The following MERTK variants were observed in gnomAD, a reference collection of about 807,000 sequenced individuals.
MERTK encodes tyrosine-protein kinase Mer.
Under a neutral mutation model 99.3 loss-of-function variants are expected in MERTK, and 69 were observed. The observed-to-expected ratio is 0.70, with a 90% confidence interval of 0.57 to 0.85. MERTK has a LOEUF of 0.85. Ranked by LOEUF, MERTK falls within the 40% of genes least tolerant of loss-of-function variation. The pLI is 0.00. For synonymous variants in MERTK, 426 were observed against 467.6 expected (o/e 0.91, Z 1.15); for missense variants, 1,125 against 1,249.4 (o/e 0.90, Z 1.50).
At chr2:111,900,947 T>C (rs1051472142) in intron 1 of MERTK, among the ~76,000 whole-genome samples, 2 of 152,152 alleles carry the variant, frequency 1.3e-5, no homozygotes, top group African/African-American at 4.8e-5. Context: ...AATGAGAATA[T>C]GTGTGTAGAT....
chr2:111,964,319 A>C (rs1685315572), intron 4 of MERTK, among the ~76,000 whole-genome samples: 1 of 139,962 alleles, frequency 7.1e-6, no homozygotes, highest in Non-Finnish European at 1.6e-5. Context: ...GCCATTGGGA[A>C]CTCTTTGAGT....
At chr2:112,000,196 C>T (rs1423802103) in intron 10 of MERTK, among the ~76,000 whole-genome samples, 8 of 152,176 alleles carry the variant, frequency 5.3e-5, no homozygotes, top group African/African-American at 1.7e-4. Context: ...TGGGTGTATA[C>T]GTGCAGGTCA....
chr2:112,000,391 ACAGT>A (rs1676844639), intron 10 of MERTK, among the ~76,000 whole-genome samples: 1 of 152,146 alleles, frequency 6.6e-6, no homozygotes, highest in African/African-American at 2.4e-5. Context: ...GCCACATTTT[ACAGT>A]CAGTCATCAC....
intron 6 of MERTK, among the ~76,000 whole-genome samples, chr2:111,974,478 G>T (rs935210597): frequency 6.6e-6 from 1 of 151,492 alleles, no homozygotes; most frequent in East Asian, 2.0e-4. Context: ...TAAAAAGAAA[G>T]ATTAAGAAAC....
chr2:111,947,666 CAG>C, intron 4 of MERTK, 99 bp downstream of exon 4: 1 of 1,402,540 alleles, frequency 7.1e-7, no homozygotes, highest in East Asian at 2.3e-5. Context: ...GCAGTGGAGA[CAG>C]ATGAAAATAC....
chr2:112,002,075 A>AT (rs1230446116), intron 11 of MERTK, among the ~76,000 whole-genome samples: 4 of 151,946 alleles, frequency 2.6e-5, no homozygotes, highest in African/African-American at 9.7e-5. Context: ...AATTATCCAC[A>AT]TTTTTTTGAT....
At chr2:111,913,044 G>T (rs2104668418) in intron 1 of MERTK, 1 of 985,410 alleles carries the variant, frequency 1.0e-6, no homozygotes, top group African/African-American at 1.7e-5. Context: ...AAAAGGCCTG[G>T]CGAAAGGTGA....
At chr2:111,973,074 C>CTAAA (rs1676156249) in intron 6 of MERTK, among the ~76,000 whole-genome samples, 6 of 152,290 alleles carry the variant, frequency 3.9e-5, no homozygotes, top group Admixed American at 3.3e-4. Flanking sequence ...CCACACACTC[C>CTAAA]ATTTCTAATT....
chr2:111,992,918 G>A (rs1388428149), intron 8 of MERTK, among the ~76,000 whole-genome samples: 1 of 152,128 alleles, frequency 6.6e-6, no homozygotes, highest in African/African-American at 2.4e-5. Flanking sequence ...ACAACCTGGG[G>A]CTTGTGATTT....
chr2:111,943,431 T>G (rs1215921687), intron 2 of MERTK, among the ~76,000 whole-genome samples: 1 of 152,086 alleles, frequency 6.6e-6, no homozygotes, highest in Non-Finnish European at 1.5e-5. Flanking sequence ...CCTAGCACTT[T>G]GGGAGGCTGA....
intron 18 of MERTK, among the ~76,000 whole-genome samples, chr2:112,025,343 C>T (rs1677442076): frequency 6.6e-6 from 1 of 152,310 alleles, no homozygotes; most frequent in South Asian, 2.1e-4. Flanking sequence ...CCCAGCACCA[C>T]CCTCGCGCTT....
intron 1 of MERTK, chr2:111,913,166 A>G (rs1684284250): frequency 1.5e-6 from 1 of 665,122 alleles, no homozygotes; most frequent in African/African-American, 2.0e-5. Flanking sequence ...GCCAGGAATC[A>G]AGGACAAAGG....
chr2:111,907,054 C>G (rs10496439), intron 1 of MERTK, among the ~76,000 whole-genome samples: 35,007 of 152,042 alleles, frequency 0.23, 4,344 homozygotes, highest in Middle Eastern at 0.37. Context: ...GCGTGACTCT[C>G]GGTGTGAACT....
chr2:111,910,616 A>G (rs201771648), intron 1 of MERTK, among the ~76,000 whole-genome samples: 42 of 78,000 alleles, frequency 5.4e-4, no homozygotes, highest in Admixed American at 1.0e-3. Context: ...GTGTGTATAT[A>G]TATATATATA....
intron 8 of MERTK, 45 bp downstream of exon 8, chr2:111,983,038 A>T (rs752432721): frequency 6.2e-7 from 1 of 1,611,534 alleles, no homozygotes; most frequent in South Asian, 1.1e-5. Flanking sequence ...TCTCCTTTCA[A>T]CTTGCTGGTT....
At chr2:111,947,646 C>T (rs1384812320) in intron 4 of MERTK, 79 bp downstream of exon 4, 1 of 1,505,996 alleles carries the variant, frequency 6.6e-7, no homozygotes, top group Non-Finnish European at 9.2e-7. Flanking sequence ...TTGCTGTGCA[C>T]CACTAGCAGG....
intron 14 of MERTK, among the ~76,000 whole-genome samples, chr2:112,009,234 A>G (rs1225435370): frequency 1.3e-5 from 2 of 152,190 alleles, no homozygotes; most frequent in African/African-American, 4.8e-5. Flanking sequence ...ATACAGTATT[A>G]TGTCAAATAA....
intron 15 of MERTK, among the ~76,000 whole-genome samples, chr2:112,017,641 A>C (rs1677245947): frequency 1.3e-5 from 2 of 152,106 alleles, no homozygotes. Flanking sequence ...TCAAAAAAAA[A>C]AAAATTCCAC....
intron 4 of MERTK, among the ~76,000 whole-genome samples, chr2:111,961,247 C>T (rs141464200): frequency 5.5e-5 from 8 of 146,530 alleles, no homozygotes; most frequent in Non-Finnish European, 7.5e-5. Context: ...CTGCAAGCTC[C>T]GCCTCCCAGG....
Sources: gnomAD v4.1 joint callset for allele counts (sites outside exome capture counted in the v4.1 genomes callset) on GRCh38, gnomAD v4.1.1 for gene constraint, MANE v1.5 for transcripts, NCBI Gene and HGNC (gene_info 2026-07-23, HGNC 2026-07-21) for gene names.